TNFSF4: variants seen among roughly 807,000 people sequenced by gnomAD.
TNFSF4 encodes tumor necrosis factor ligand superfamily member 4.
In TNFSF4, 4 loss-of-function variants were observed where a neutral mutation model predicts 7.3. The observed-to-expected ratio is 0.55, with a 90% CI of 0.27 to 1.25. TNFSF4 has a LOEUF of 1.25. TNFSF4 is among the 50% of genes most tolerant of loss of function. The pLI is 0.12. For missense variants in TNFSF4, 181 were observed against 208.8 expected (o/e 0.87, Z 0.82); for synonymous variants, 76 against 83.7 (o/e 0.91, Z 0.50).
the TNFSF4 span, among the ~76,000 whole-genome samples, chr1:173,292,494 G>C: frequency 6.6e-6 from 1 of 151,866 alleles, no homozygotes; most frequent in Non-Finnish European, 1.5e-5. Context: ...AAAATAATAA[G>C]AGCCATCTAT....
At chr1:173,177,737 C>A in the TNFSF4 span, among the ~76,000 whole-genome samples, 21,111 of 152,052 alleles carry the variant, frequency 0.14, 2,920 homozygotes, top group African/African-American at 0.36. Context: ...ATGGGCATAG[C>A]ACTTTGTTAA....
At chr1:173,276,967 A>G in the TNFSF4 span, among the ~76,000 whole-genome samples, 1 of 152,172 alleles carries the variant, frequency 6.6e-6, no homozygotes, top group African/African-American at 2.4e-5. Context: ...ATACAAGTAC[A>G]CAAAATTACA....
chr1:173,212,715 A>C, the TNFSF4 span, among the ~76,000 whole-genome samples: 1 of 152,082 alleles, frequency 6.6e-6, no homozygotes, highest in Non-Finnish European at 1.5e-5. Flanking sequence ...TCAAAGGATA[A>C]ATGCTTGAGG....
intron 2 of TNFSF4, among the ~76,000 whole-genome samples, chr1:173,187,987 C>A (rs1293117471): frequency 1.3e-5 from 2 of 152,292 alleles, no homozygotes; most frequent in Non-Finnish European, 2.9e-5. Flanking sequence ...TACTTCCCTT[C>A]CCTCAGGCTC....
the TNFSF4 span, among the ~76,000 whole-genome samples, chr1:173,288,280 G>A: frequency 9.9e-5 from 15 of 152,086 alleles, 1 homozygote; most frequent in South Asian, 3.1e-3. Context: ...TGGCAAAACT[G>A]CATCCCTATG....
the TNFSF4 span, among the ~76,000 whole-genome samples, chr1:173,388,760 C>T: frequency 6.6e-6 from 1 of 152,142 alleles, no homozygotes; most frequent in African/African-American, 2.4e-5. Flanking sequence ...TTTATTATTG[C>T]TATTTTTAAT....
At chr1:173,359,436 C>CT in the TNFSF4 span, among the ~76,000 whole-genome samples, 2 of 129,592 alleles carry the variant, frequency 1.5e-5, no homozygotes, top group Non-Finnish European at 3.2e-5. Flanking sequence ...CAGTCAGAGT[C>CT]TAAGAGTTTT....
intron 1 of TNFSF4, chr1:173,205,405 C>G: frequency 1.2e-6 from 2 of 1,605,606 alleles, no homozygotes; most frequent in South Asian, 2.2e-5. Context: ...TGGAAAGGAT[C>G]CCCTCTTTTT....
At chr1:173,400,966 C>CT in the TNFSF4 span, among the ~76,000 whole-genome samples, 2 of 152,118 alleles carry the variant, frequency 1.3e-5, no homozygotes, top group African/African-American at 4.8e-5. Context: ...AACAAGGACT[C>CT]TAATTGTCAT....
chr1:173,202,464 G>T (rs139064378), intron 1 of TNFSF4, among the ~76,000 whole-genome samples: 2 of 152,276 alleles, frequency 1.3e-5, no homozygotes, highest in African/African-American at 4.8e-5. Flanking sequence ...ATGAGCACTT[G>T]ACTGCCTGAG....
the TNFSF4 span, chr1:173,363,540 A>G: frequency 2.0e-6 from 1 of 494,178 alleles, no homozygotes; most frequent in Non-Finnish European, 4.1e-6. Context: ...TAAGAGCACA[A>G]AATATAGCTC....
the TNFSF4 span, among the ~76,000 whole-genome samples, chr1:173,249,058 A>G: frequency 6.6e-6 from 1 of 152,160 alleles, no homozygotes; most frequent in African/African-American, 2.4e-5. Context: ...CAGGTTGGGG[A>G]AACAGTGGAT....
the TNFSF4 span, among the ~76,000 whole-genome samples, chr1:173,173,775 G>A: frequency 1.3e-5 from 2 of 152,244 alleles, no homozygotes; most frequent in South Asian, 2.1e-4. Context: ...ATGTCCCGAG[G>A]TTGCATAGAG....
the TNFSF4 span, among the ~76,000 whole-genome samples, chr1:173,308,571 CTA>C: frequency 4.6e-5 from 7 of 151,696 alleles, 1 homozygote; most frequent in South Asian, 1.5e-3. Context: ...TTATATTGAC[CTA>C]TGTTAGTTAA....
At chr1:173,347,721 G>A in the TNFSF4 span, among the ~76,000 whole-genome samples, 2 of 152,186 alleles carry the variant, frequency 1.3e-5, no homozygotes, top group Non-Finnish European at 2.9e-5. Flanking sequence ...GGGCACTATG[G>A]CAAGGGGGTG....
chr1:173,233,356 G>T, the TNFSF4 span, among the ~76,000 whole-genome samples: 30 of 152,162 alleles, frequency 2.0e-4, 1 homozygote, highest in Non-Finnish European at 1.5e-4. Flanking sequence ...CGTCTGATTG[G>T]TGTACCTGAA....
chr1:173,206,811 A>G (rs1322705494), intron 1 of TNFSF4, among the ~76,000 whole-genome samples: 2 of 152,066 alleles, frequency 1.3e-5, no homozygotes, highest in Non-Finnish European at 2.9e-5. Context: ...CCTCTGCCCT[A>G]CCTCCACTCT....
chr1:173,419,037 T>A, the TNFSF4 span, among the ~76,000 whole-genome samples: 1 of 152,156 alleles, frequency 6.6e-6, no homozygotes, highest in African/African-American at 2.4e-5. Context: ...GGTGGCTTTA[T>A]AAGAAGAGTT....
chr1:173,351,878 C>A, the TNFSF4 span: 5 of 594,796 alleles, frequency 8.4e-6, no homozygotes, highest in Non-Finnish European at 1.6e-5. Flanking sequence ...TTCACCCCAG[C>A]AAGGCGGTTA....
Sources: gnomAD v4.1 joint callset for allele counts (sites outside exome capture counted in the v4.1 genomes callset) on GRCh38, gnomAD v4.1.1 for gene constraint, MANE v1.5 for transcripts, NCBI Gene and HGNC (gene_info 2026-07-23, HGNC 2026-07-21) for gene names.